The following POU2F1 variants were observed in gnomAD, a reference collection of about 807,000 sequenced individuals.
POU2F1 encodes the protein POU domain, class 2, transcription factor 1.
A neutral mutation model predicts 84.9 loss-of-function variants in POU2F1; 16 were observed. That is an observed-to-expected ratio of 0.19 (90% CI 0.13 to 0.29). POU2F1 has a LOEUF of 0.29. Among genes scored for constraint, POU2F1 ranks in the 10% least tolerant of loss-of-function variants. The probability of loss-of-function intolerance (pLI) is 1.00; values close to 1 mark genes in which losing one functional copy is unlikely to be tolerated. For missense variants in POU2F1, 738 were observed against 942.6 expected, an observed-to-expected ratio of 0.78 and a Z score of 2.84; for synonymous variants, 368 against 368.3, an observed-to-expected ratio of 1.00 and a Z score of 0.01.
chr1:167,410,309 G>C (rs2101939878), intron 13 of POU2F1, among the ~76,000 whole-genome samples: 1 of 152,284 alleles, frequency 6.6e-6, no homozygotes, highest in East Asian at 1.9e-4. Context: ...AATGATGTCT[G>C]AGTCTCTCCC....
intron 10 of POU2F1, 49 bp downstream of exon 10, chr1:167,396,476 T>C: frequency 1.3e-6 from 2 of 1,567,240 alleles, no homozygotes; most frequent in Middle Eastern, 1.7e-4. Flanking sequence ...GAATTTTACA[T>C]GGGGATTGTT....
rs137948294 is a variant in POU2F1, at chr1:167,355,022, T to G, written c.128-10445T>G. On this transcript the variant is annotated intron_variant, in intron 2 of 15. Coordinates refer to ENST00000367866, the MANE Select transcript of POU2F1 (RefSeq NM_002697.4). Reference sequence around the variant, plus strand: ...GCTTTTAATTTTAAAGTAGTTAAATTTATGTGTTTTCATCTTTTGGTTCTT... The same window carrying G: ...GCTTTTAATTTTAAAGTAGTTAAATGTATGTGTTTTCATCTTTTGGTTCTT... Among the ~76,000 whole-genome samples, 739 of 152,238 alleles carry G rather than the reference T, an allele frequency of 4.9e-3. 7 individuals carry two copies. The highest frequency in any genetic ancestry group is 0.017 in the African/African-American group (702 of 41,562).
intron 1 of POU2F1, among the ~76,000 whole-genome samples, chr1:167,232,606 G>C (rs1322037410): frequency 6.6e-6 from 1 of 152,196 alleles, no homozygotes; most frequent in African/African-American, 2.4e-5. Flanking sequence ...ACTTTGGGAA[G>C]CCGAGGTGGG....
chr1:167,299,735 T>C (rs1654539113), intron 1 of POU2F1, among the ~76,000 whole-genome samples: 1 of 150,552 alleles, frequency 6.6e-6, no homozygotes, highest in African/African-American at 2.5e-5. Context: ...GTTCCTCACC[T>C]AGTTCCAAAG....
intron 1 of POU2F1, among the ~76,000 whole-genome samples, chr1:167,328,666 G>A (rs977277012): frequency 1.3e-5 from 2 of 152,216 alleles, no homozygotes; most frequent in South Asian, 2.1e-4. Flanking sequence ...TCTCCAGTTA[G>A]GTCCAAGAAG....
chr1:167,343,632 A>ATTTTTTTTTT (rs869170039), intron 2 of POU2F1, among the ~76,000 whole-genome samples: 3 of 69,302 alleles, frequency 4.3e-5, no homozygotes, highest in African/African-American at 1.0e-4. Context: ...CCAGGGGTCA[A>ATTTTTTTTTT]TTTTTTTTTT....
Position 167,394,876 on chromosome 1 carries a change from G to C in POU2F1, c.988-1410G>C, listed in dbSNP as rs1571434696. ...CAACTACCACCTAATAAAAAATGTA[G>C]TATTCAATGTGCTAATAAAAAATGT... On this transcript the variant is annotated intron_variant, in intron 9 of 15. Transcript: ENST00000367866. Among the ~76,000 whole-genome samples, 3 of 152,284 alleles carry C rather than the reference G, an allele frequency of 2.0e-5. 1 individual carries two copies. The Middle Eastern group carries it at 0.01, about 518-fold the overall frequency.
chr1:167,221,023 C>T (rs935626541), intron 1 of POU2F1, 65 bp downstream of exon 1: 11 of 1,345,148 alleles, frequency 8.2e-6, no homozygotes, highest in Non-Finnish European at 1.1e-5. Flanking sequence ...TGCCCCCCCC[C>T]GCGACTTAGC....
At chr1:167,266,345 G>A (rs752997049) in intron 1 of POU2F1, among the ~76,000 whole-genome samples, 11 of 152,092 alleles carry the variant, frequency 7.2e-5, no homozygotes, top group Non-Finnish European at 1.0e-4. Context: ...GGTGTAATCA[G>A]GTTGGGTAGT....
intron 1 of POU2F1, among the ~76,000 whole-genome samples, chr1:167,266,705 T>C (rs1651987804): frequency 6.7e-6 from 1 of 149,702 alleles, no homozygotes; most frequent in South Asian, 2.1e-4. Context: ...CTCACTGCAA[T>C]CTCCACCTGC....
chr1:167,399,199 C>T lies in POU2F1; in HGVS notation c.1283C>T (p.Thr428Ile), dbSNP rs766699806. 1 of 1,610,656 alleles carries T rather than the reference C, an allele frequency of 6.2e-7. No individual in the cohort carries two copies. Among genetic ancestry groups the T allele is most frequent in the Non-Finnish European group, 8.5e-7 (1 of 1,178,342 alleles). Residue 428 changes from threonine (T) to isoleucine (I), a missense_variant, in exon 12 of 16, where the codon ACC becomes ATC. By Grantham distance (89) the Thr-to-Ile change is moderately conservative. Around this residue, in one of 4 missense-constraint regions of POU2F1, gnomAD observed 95 missense variants for 195.1 expected, o/e 0.49. Coordinates refer to ENST00000367866, the MANE Select transcript of POU2F1 (RefSeq NM_002697.4). ...TTCACCCTGCAGAATCAAAAGCCTA[C>T]CTCGGAAGAGATCACTATGATTGCT... ...EKSFLENQKPTSEEITMIADQ... is the reference protein window; with the variant it reads ...EKSFLENQKPISEEITMIADQ...
At chr1:167,360,814 T>C (rs994144969) in intron 2 of POU2F1, among the ~76,000 whole-genome samples, 2 of 152,174 alleles carry the variant, frequency 1.3e-5, no homozygotes, top group African/African-American at 4.8e-5. Context: ...TATTGATTTT[T>C]CCAACCCTCG....
At chr1:167,354,614 T>C (rs1658815978) in intron 2 of POU2F1, among the ~76,000 whole-genome samples, 1 of 152,202 alleles carries the variant, frequency 6.6e-6, no homozygotes. Flanking sequence ...ATTGCTGAAC[T>C]TGTTCTAATG....
chr1:167,319,008 C>A (rs1656122962), intron 1 of POU2F1: 1 of 153,640 alleles, frequency 6.5e-6, no homozygotes, highest in African/African-American at 2.4e-5. Context: ...GTCCTGCTTT[C>A]CTCAGGTTTT....
chr1:167,300,193 G>T (rs1654582822), intron 1 of POU2F1, among the ~76,000 whole-genome samples: 1 of 152,184 alleles, frequency 6.6e-6, no homozygotes. Flanking sequence ...TTTCTCACTT[G>T]TAAGTGGGAG....
At chr1:167,353,331 G>A (rs1170545052) in intron 2 of POU2F1, among the ~76,000 whole-genome samples, 1 of 146,056 alleles carries the variant, frequency 6.8e-6, no homozygotes, top group Admixed American at 6.8e-5. Context: ...ACATTTTTCT[G>A]TTTTTACCTA....
At chr1:167,415,385 T>C in intron 15 of POU2F1, 115 bp from the exon 16 acceptor site, 1 of 1,160,910 alleles carries the variant, frequency 8.6e-7, no homozygotes, top group Non-Finnish European at 1.2e-6. Flanking sequence ...TGAAGGGCTA[T>C]ACTTTTTCCT....
chr1:167,398,694 C>T (rs1208302213), intron 11 of POU2F1, among the ~76,000 whole-genome samples: 1 of 152,182 alleles, frequency 6.6e-6, no homozygotes, highest in African/African-American at 2.4e-5. Flanking sequence ...AAAATTTTGA[C>T]TTCTCTAATT....
chr1:167,293,131 A>G (rs902952814), intron 1 of POU2F1, among the ~76,000 whole-genome samples: 1 of 152,208 alleles, frequency 6.6e-6, no homozygotes, highest in Non-Finnish European at 1.5e-5. Flanking sequence ...CCTTCTATTT[A>G]ACATAGTCCT....
Sources: gnomAD v4.1 joint callset for allele counts (sites outside exome capture counted in the v4.1 genomes callset) on GRCh38, gnomAD v4.1.1 for gene constraint, gnomAD v4.1.1 regional missense constraint, MANE v1.5 for transcripts, NCBI Gene and HGNC (gene_info 2026-07-23, HGNC 2026-07-21) for gene names.